Variants in ZFHX3 observed in about 807,000 individuals in gnomAD.
ZFHX3 encodes the protein zinc finger homeobox protein 3.
ZFHX3 carries 42 observed loss-of-function variants against 279.1 expected under a neutral mutation model. That is an observed-to-expected ratio of 0.15 (90% CI 0.12 to 0.19). ZFHX3 has a LOEUF of 0.19. Among genes scored for constraint, ZFHX3 ranks in the 10% least tolerant of loss-of-function variants. The probability of loss-of-function intolerance (pLI) is 1.00; values close to 1 mark genes in which losing one functional copy is unlikely to be tolerated. For missense variants in ZFHX3, 4,981 were observed against 4,754.0 expected (o/e 1.05, Z -1.40); for synonymous variants, 2,293 against 1,957.8 (o/e 1.17, Z -4.52).
At chr16:73,876,332 C>A (rs186346951) in intron 1 of ZFHX3, among the ~76,000 whole-genome samples, 3 of 152,320 alleles carry the variant, frequency 2.0e-5, no homozygotes, top group Non-Finnish European at 4.4e-5. Context: ...TTTTACCACA[C>A]CCATGTACAC....
chr16:73,743,184 T>C (rs1214636060), intron 1 of ZFHX3, among the ~76,000 whole-genome samples: 1 of 152,210 alleles, frequency 6.6e-6, no homozygotes, highest in Non-Finnish European at 1.5e-5. Flanking sequence ...TTCAGGTTGG[T>C]TCTTATAAAC....
rs759605286 is a variant in ZFHX3, at chr16:72,798,267, T to A, written c.4415A>T (p.Asp1472Val). Residue 1472 changes from aspartate to valine, a missense_variant, in exon 9 of 10, where the codon GAC (aspartate) becomes GTC (valine). Asp to Val is a radical substitution (Grantham distance 152). Around this residue, in one of 7 missense-constraint regions of ZFHX3, gnomAD observed 1,751 missense variants for 1,770.0 expected, o/e 0.99. Transcript: ENST00000268489. ...AGTGGGGTCTCCCATTGCCAGGAGG[T>A]CCCCATTGGCCAGCAGGCCACCATA... is the stretch of plus-strand genomic sequence containing the variant. ...QLYGGLLANG[D>V]LLAMGDPTLA... 6.2e-7 allele frequency: 1 copy of A among 1,614,072 alleles called. No homozygotes were observed. The highest frequency in any genetic ancestry group is 1.1e-5 in the South Asian group (1 of 91,070).
rs138972668 is a variant in ZFHX3, at chr16:73,473,488, T to C, written c.-1546-17230A>G. ...AAAACCAACAGCAGTTGGCAAAATC[T>C]GCCCAACGCTTGAGAGTCCTGGCCT... On this transcript the variant is annotated intron_variant, in intron 2 of 17. Coordinates refer to the ZFHX3 transcript ENST00000641206. Among the ~76,000 whole-genome samples, 660 of 152,200 alleles carry C rather than the reference T, an allele frequency of 4.3e-3. 4 individuals carry two copies. Among genetic ancestry groups the C allele is most frequent in the African/African-American group, 0.015 (626 of 41,526 alleles).
intron 4 of ZFHX3, among the ~76,000 whole-genome samples, chr16:72,886,914 G>A (rs577290724): frequency 6.6e-6 from 1 of 152,310 alleles, no homozygotes; most frequent in African/African-American, 2.4e-5. Context: ...AGGCAAAGCA[G>A]AAGCTCCACC....
At chr16:73,642,399 T>A (rs2052581880) in intron 2 of ZFHX3, among the ~76,000 whole-genome samples, 1 of 152,196 alleles carries the variant, frequency 6.6e-6, no homozygotes, top group African/African-American at 2.4e-5. Flanking sequence ...TTTTTACTTC[T>A]GTCATATTGA....
intron 7 of ZFHX3, among the ~76,000 whole-genome samples, chr16:73,103,187 A>G (rs1966252822): frequency 6.6e-6 from 1 of 152,144 alleles, no homozygotes; most frequent in Non-Finnish European, 1.5e-5. Flanking sequence ...CGCCTCCCAA[A>G]TCGCTGAGAT....
chr16:73,271,053 G>A (rs2014130010), intron 4 of ZFHX3, among the ~76,000 whole-genome samples: 1 of 152,324 alleles, frequency 6.6e-6, no homozygotes, highest in East Asian at 1.9e-4. Flanking sequence ...ATCTGCCCCT[G>A]CTGGATGTCA....
At chr16:73,274,328 T>C (rs1255090634) in intron 4 of ZFHX3, among the ~76,000 whole-genome samples, 1 of 152,232 alleles carries the variant, frequency 6.6e-6, no homozygotes, top group African/African-American at 2.4e-5. Context: ...CTTATTTTCA[T>C]ATTTGTTTGG....
chr16:73,385,810 C>T (rs991737014), intron 3 of ZFHX3, among the ~76,000 whole-genome samples: 1 of 152,170 alleles, frequency 6.6e-6, no homozygotes, highest in African/African-American at 2.4e-5. Context: ...ATTGCTAAGA[C>T]ATTGCCATGA....
intron 4 of ZFHX3, among the ~76,000 whole-genome samples, chr16:73,261,395 G>T (rs1057444335): frequency 2.0e-5 from 3 of 152,098 alleles, no homozygotes; most frequent in Non-Finnish European, 4.4e-5. Flanking sequence ...GTGGGGAAGA[G>T]GATTGGGTAG....
intron 5 of ZFHX3, among the ~76,000 whole-genome samples, chr16:73,234,850 T>C (rs1489895564): frequency 2.6e-5 from 4 of 152,304 alleles, no homozygotes; most frequent in Admixed American, 6.5e-5. Context: ...TTTGAAGTGA[T>C]AGAAATTTTT....
chr16:73,659,848 G>A (rs2052762258), intron 2 of ZFHX3, among the ~76,000 whole-genome samples: 1 of 152,102 alleles, frequency 6.6e-6, no homozygotes. Flanking sequence ...TGGGTCTGTT[G>A]AAGCTTAACA....
At chr16:72,892,832 T>C (rs1033535394) in intron 3 of ZFHX3, among the ~76,000 whole-genome samples, 25 of 152,174 alleles carry the variant, frequency 1.6e-4, no homozygotes, top group Admixed American at 9.8e-4. Flanking sequence ...TAAAAAATGA[T>C]TTAACCTCAC....
At chr16:73,843,189 C>T (rs1961356163) in intron 1 of ZFHX3, among the ~76,000 whole-genome samples, 1 of 152,194 alleles carries the variant, frequency 6.6e-6, no homozygotes, top group South Asian at 2.1e-4. Flanking sequence ...CAAGAACAAA[C>T]AATTTGAATA....
intron 2 of ZFHX3, among the ~76,000 whole-genome samples, chr16:73,615,384 G>A (rs11866057): frequency 8.5e-5 from 13 of 152,064 alleles, no homozygotes; most frequent in Non-Finnish European, 2.9e-5. Flanking sequence ...GCAGAATCCT[G>A]TCAAAAAAGA....
intron 5 of ZFHX3, among the ~76,000 whole-genome samples, chr16:73,164,745 G>C (rs1241233015): frequency 6.7e-6 from 1 of 149,958 alleles, no homozygotes; most frequent in Non-Finnish European, 1.5e-5. Flanking sequence ...CCATCTATTT[G>C]GCTATTGCCA....
At chr16:73,135,933 C>T (rs1966781605) in intron 6 of ZFHX3, among the ~76,000 whole-genome samples, 1 of 151,872 alleles carries the variant, frequency 6.6e-6, no homozygotes, top group Non-Finnish European at 1.5e-5. Flanking sequence ...TCTCGGCTCA[C>T]TGCAACCTCC....
intron 1 of ZFHX3, among the ~76,000 whole-genome samples, chr16:73,838,089 T>G (rs190034706): frequency 1.3e-5 from 2 of 152,348 alleles, no homozygotes; most frequent in African/African-American, 4.8e-5. Context: ...CATGACCACT[T>G]GACACTAAGT....
intron 1 of ZFHX3, among the ~76,000 whole-genome samples, chr16:73,689,126 T>C (rs2053121234): frequency 6.6e-6 from 1 of 152,206 alleles, no homozygotes; most frequent in Non-Finnish European, 1.5e-5. Flanking sequence ...CAATAAATAC[T>C]TGCCAAAGGA....
Sources: allele counts gnomAD v4.1 joint callset (sites outside exome capture counted in the v4.1 genomes callset), GRCh38; gene constraint gnomAD v4.1.1; regional missense constraint gnomAD v4.1.1; transcripts MANE v1.5; gene names NCBI Gene and HGNC (gene_info 2026-07-23, HGNC 2026-07-21).